DMD: variants seen among roughly 807,000 people sequenced by gnomAD.
DMD encodes the protein mutant dystrophin.
In DMD, 63 loss-of-function variants were observed where a neutral mutation model predicts 330.1. That is an observed-to-expected ratio of 0.19 (90% CI 0.16 to 0.24). The LOEUF is 0.24. DMD is among the 10% of genes least tolerant of loss of function. The pLI is 1.00. For missense variants in DMD, 3,344 were observed against 2,684.1 expected, an observed-to-expected ratio of 1.25 and a Z score of -5.43; for synonymous variants, 1,223 against 959.8, an observed-to-expected ratio of 1.27 and a Z score of -5.07.
At chrX:31,782,610 T>G (rs1436791132) in intron 50 of DMD, among the ~76,000 whole-genome samples, 1 of 111,021 alleles carries the variant, frequency 9.0e-6, no homozygotes, top group Admixed American at 9.6e-5. Context: ...AAAAAAATGA[T>G]TCTTATTTTA....
chrX:32,964,166 G>A (rs2092025077), intron 2 of DMD, among the ~76,000 whole-genome samples: 1 of 102,439 alleles, frequency 9.8e-6, no homozygotes, highest in African/African-American at 3.6e-5. Flanking sequence ...TGAGGCAGGA[G>A]AATCCCTTGA....
intron 16 of DMD, among the ~76,000 whole-genome samples, chrX:32,559,444 G>C (rs1221644719): frequency 9.0e-6 from 1 of 111,366 alleles, no homozygotes; most frequent in Non-Finnish European, 1.9e-5. Flanking sequence ...GTCGTGGAGA[G>C]CTTTCAGGAA....
At chrX:32,355,381 A>C (rs2097795487) in intron 37 of DMD, among the ~76,000 whole-genome samples, 1 of 111,080 alleles carries the variant, frequency 9.0e-6, no homozygotes, top group African/African-American at 3.3e-5. Context: ...AAATATCTGA[A>C]AGTCTCTGGT....
At chrX:32,886,412 G>A (rs939151310) in intron 2 of DMD, among the ~76,000 whole-genome samples, 1 of 110,851 alleles carries the variant, frequency 9.0e-6, no homozygotes, top group African/African-American at 3.3e-5. Context: ...GGCTGGGCAC[G>A]GTGGCTCAAG....
chrX:32,392,767 T>G (rs1322124854), intron 30 of DMD, among the ~76,000 whole-genome samples: 3 of 112,654 alleles, frequency 2.7e-5, no homozygotes, highest in Non-Finnish European at 5.6e-5. Context: ...CGTCTATCTT[T>G]TTAGAACAGT....
At chrX:32,863,337 C>T (rs1240363948) in intron 2 of DMD, among the ~76,000 whole-genome samples, 1 of 108,146 alleles carries the variant, frequency 9.2e-6, no homozygotes, top group Non-Finnish European at 1.9e-5. Context: ...GCCAACGTGG[C>T]GAAACTCCAC....
intron 50 of DMD, among the ~76,000 whole-genome samples, chrX:31,789,957 A>C (rs2091491947): frequency 8.9e-6 from 1 of 111,754 alleles, no homozygotes; most frequent in African/African-American, 3.2e-5. Flanking sequence ...ATACATGTGC[A>C]TAGTTTTGAA....
intron 54 of DMD, among the ~76,000 whole-genome samples, chrX:31,635,588 A>C (rs768201315): frequency 2.8e-4 from 31 of 112,281 alleles, no homozygotes; most frequent in Non-Finnish European, 5.1e-4. Context: ...AAAAGAAAGA[A>C]GTGGCTAAAA....
chrX:33,296,005 T>G (rs2053578692), intron 1 of DMD, among the ~76,000 whole-genome samples: 1 of 111,783 alleles, frequency 8.9e-6, no homozygotes, highest in Non-Finnish European at 1.9e-5. Context: ...TTGCATTATC[T>G]CACATATATT....
chrX:31,351,934 TA>T (rs371916487), intron 60 of DMD, among the ~76,000 whole-genome samples: 47 of 102,696 alleles, frequency 4.6e-4, no homozygotes, highest in East Asian at 5.9e-4. Flanking sequence ...CATGAGAGGT[TA>T]AAAAAAAAAA....
intron 7 of DMD, among the ~76,000 whole-genome samples, chrX:32,778,775 T>C (rs1822972469): frequency 9.0e-6 from 1 of 111,550 alleles, no homozygotes; most frequent in Non-Finnish European, 1.9e-5. Flanking sequence ...TTTTTAAGCA[T>C]TCCGGTGACT....
At chrX:32,359,552 G>T (rs1010886703) in intron 37 of DMD, among the ~76,000 whole-genome samples, 9 of 111,013 alleles carry the variant, frequency 8.1e-5, no homozygotes, top group Non-Finnish European at 1.7e-4. Flanking sequence ...CTACTATAAA[G>T]AAACCTGATT....
At chrX:31,527,747 T>C (rs2073356293) in intron 55 of DMD, among the ~76,000 whole-genome samples, 1 of 111,784 alleles carries the variant, frequency 8.9e-6, no homozygotes, top group African/African-American at 3.3e-5. Flanking sequence ...TCCTGGTTCC[T>C]AGTTCCTATT....
intron 62 of DMD, among the ~76,000 whole-genome samples, chrX:31,263,466 A>AT (rs940599870): frequency 8.1e-5 from 9 of 110,998 alleles, no homozygotes; most frequent in South Asian, 3.8e-4. Flanking sequence ...TTTAGAAATT[A>AT]TTTTTTTTTA....
At position 31,516,744 on chromosome X, in the gene DMD, G is replaced by A. The variant is rs1166862161; in HGVS notation, c.8218-9291C>T. On this transcript the variant is annotated intron_variant, in intron 55 of 78. Coordinates refer to ENST00000357033, the MANE Select transcript of DMD (RefSeq NM_004006.3). ...TTGTCTTTGCTTTCATATCTCATTC[G>A]AAAATTCTCACACTTAAGCACTGCA... is the stretch of plus-strand genomic sequence containing the variant. Among the ~76,000 whole-genome samples the A allele has an allele frequency of 4.2e-4, 47 of 111,696 alleles. No individual in the cohort carries two copies. In the Admixed American group the frequency reaches 4.5e-3, roughly 11 times the overall value.
At chrX:32,370,437 T>C (rs2010592009) in intron 34 of DMD, among the ~76,000 whole-genome samples, 1 of 111,333 alleles carries the variant, frequency 9.0e-6, no homozygotes, top group Non-Finnish European at 1.9e-5. Context: ...AAGCATTAAA[T>C]AGTGGATTCT....
Position 31,729,737 on chromosome X carries a change from C to A in DMD, c.7554G>T (p.Gln2518His). 1 of 1,208,810 alleles carries A rather than the reference C, an allele frequency of 8.3e-7. No individual in the cohort carries two copies. The highest frequency in any genetic ancestry group is 1.7e-5 in the African/African-American group (1 of 57,784). ...EMIIKQKATM[Q>H]DLEQRRPQLE... ...ACTGGGGACGCCTCTGTTCCAAATC[C>A]TGCATTGTTGCCTGTAAGAACAAAT... Residue 2518 changes from glutamine to histidine, a missense_variant, in exon 52 of 79, where the codon CAG becomes CAT. Coordinates refer to ENST00000357033, the MANE Select transcript of DMD (RefSeq NM_004006.3).
intron 51 of DMD, among the ~76,000 whole-genome samples, chrX:31,733,947 T>G (rs1403345198): frequency 9.9e-5 from 11 of 111,576 alleles, no homozygotes; most frequent in African/African-American, 3.3e-4. Context: ...CATCGGTAAC[T>G]TCTTAAGAAT....
intron 11 of DMD, among the ~76,000 whole-genome samples, chrX:32,639,191 T>C (rs2059289755): frequency 8.9e-6 from 1 of 112,101 alleles, no homozygotes; most frequent in African/African-American, 3.2e-5. Context: ...CTTATAAAAA[T>C]GTCAGTAAAT....
Sources: gnomAD v4.1 joint callset for allele counts (sites outside exome capture counted in the v4.1 genomes callset) on GRCh38, gnomAD v4.1.1 for gene constraint, MANE v1.5 for transcripts, NCBI Gene and HGNC (gene_info 2026-07-23, HGNC 2026-07-21) for gene names.